Variants in KLF12 observed in about 807,000 individuals in gnomAD.
The protein encoded by KLF12 is Krueppel-like factor 12.
KLF12 carries 9 observed loss-of-function variants against 37.8 expected under a neutral mutation model. That is an observed-to-expected ratio of 0.24 (90% CI 0.14 to 0.42). The LOEUF (loss-of-function observed/expected upper bound fraction) is 0.42. Ranked by LOEUF, KLF12 falls within the 10% of genes least tolerant of loss-of-function variation. KLF12 has a pLI of 1.00. For missense variants in KLF12, 411 were observed against 516.0 expected, an observed-to-expected ratio of 0.80 and a Z score of 1.97; for synonymous variants, 208 against 202.1, an observed-to-expected ratio of 1.03 and a Z score of -0.25.
chr13:74,087,031 A>G (rs771146268), intron 1 of KLF12, among the ~76,000 whole-genome samples: 2 of 152,174 alleles, frequency 1.3e-5, no homozygotes, highest in Non-Finnish European at 2.9e-5. Flanking sequence ...ATATCCACAT[A>G]TAAGTGGACC....
At chr13:73,881,394 A>G (rs1050494525) in intron 3 of KLF12, among the ~76,000 whole-genome samples, 3 of 152,154 alleles carry the variant, frequency 2.0e-5, no homozygotes, top group African/African-American at 7.2e-5. Flanking sequence ...AGGAGCTAAA[A>G]ATTTTCAACT....
chr13:74,046,448 T>C (rs956344001), intron 1 of KLF12, among the ~76,000 whole-genome samples: 2 of 152,104 alleles, frequency 1.3e-5, no homozygotes, highest in African/African-American at 2.4e-5. Flanking sequence ...AAAATAAATA[T>C]TATAGGCTTT....
At chr13:74,035,347 T>C (rs1379340803) in intron 1 of KLF12, among the ~76,000 whole-genome samples, 2 of 152,192 alleles carry the variant, frequency 1.3e-5, no homozygotes, top group Admixed American at 1.3e-4. Flanking sequence ...GTTGGTGGAA[T>C]TTGTGGATGA....
intron 4 of KLF12, among the ~76,000 whole-genome samples, chr13:73,840,404 CCT>C (rs1017033820): frequency 6.6e-6 from 1 of 152,096 alleles, no homozygotes; most frequent in Non-Finnish European, 1.5e-5. Context: ...TCTCCTCTTT[CCT>C]CTGAGTTCCA....
At chr13:74,075,239 T>A (rs2138725210) in intron 1 of KLF12, among the ~76,000 whole-genome samples, 1 of 152,350 alleles carries the variant, frequency 6.6e-6, no homozygotes, top group South Asian at 2.1e-4. Context: ...AGTGATTTAG[T>A]CAGGGTCCTT....
chr13:73,881,821 C>T (rs548860450), intron 3 of KLF12, among the ~76,000 whole-genome samples: 1 of 152,240 alleles, frequency 6.6e-6, no homozygotes, highest in South Asian at 2.1e-4. Flanking sequence ...CTGGTCCTAG[C>T]ACAAGATCAT....
chr13:74,226,317 G>C, the KLF12 span, among the ~76,000 whole-genome samples: 1 of 152,134 alleles, frequency 6.6e-6, no homozygotes, highest in Non-Finnish European at 1.5e-5. Context: ...GGTTTGGCTA[G>C]ACAGTTCCAG....
chr13:73,916,208 T>TACACAC (rs67011700), intron 3 of KLF12, among the ~76,000 whole-genome samples: 2,274 of 109,648 alleles, frequency 0.021, 39 homozygotes, highest in Non-Finnish European at 0.032. Flanking sequence ...AGCTAATACT[T>TACACAC]ACACACACAC....
intron 1 of KLF12, among the ~76,000 whole-genome samples, chr13:74,031,471 T>G (rs745387574): frequency 1.6e-4 from 24 of 152,018 alleles, no homozygotes; most frequent in Non-Finnish European, 3.5e-4. Context: ...CATGTCTCTT[T>G]TATTTTATTT....
the KLF12 span, among the ~76,000 whole-genome samples, chr13:74,197,456 ACACT>A: frequency 0.47 from 70,455 of 151,396 alleles, 17,539 homozygotes; most frequent in East Asian, 0.72. Flanking sequence ...ACAAGCATAC[ACACT>A]CACTCACACA....
At chr13:73,906,439 C>T (rs1888302129) in intron 3 of KLF12, among the ~76,000 whole-genome samples, 1 of 152,160 alleles carries the variant, frequency 6.6e-6, no homozygotes, top group Non-Finnish European at 1.5e-5. Flanking sequence ...TTAGCTGTGA[C>T]TCACCTGCCT....
the KLF12 span, among the ~76,000 whole-genome samples, chr13:74,247,224 A>G: frequency 6.6e-6 from 1 of 152,262 alleles, no homozygotes; most frequent in Non-Finnish European, 1.5e-5. Flanking sequence ...CTTGATGATG[A>G]AGATGGGTTC....
At chr13:74,190,741 T>C in the KLF12 span, among the ~76,000 whole-genome samples, 1 of 152,212 alleles carries the variant, frequency 6.6e-6, no homozygotes, top group African/African-American at 2.4e-5. Flanking sequence ...TAAACTTTCA[T>C]AGAGACTTTA....
chr13:74,113,358 T>A lies in KLF12; in HGVS notation c.-32+20381A>T, dbSNP rs145757574. Reference sequence around the variant, plus strand: ...GACGCCATGGAGGACTTTCATATAGTTAGAGAGGAGAAGTCAATGACTGGC... The same window carrying A: ...GACGCCATGGAGGACTTTCATATAGATAGAGAGGAGAAGTCAATGACTGGC... On this transcript the variant is annotated intron_variant, in intron 1 of 7. Transcript: ENST00000377669. Among the ~76,000 whole-genome samples, 454 of 152,274 alleles carry A rather than the reference T, an allele frequency of 3.0e-3. 1 individual carries two copies. The highest frequency in any genetic ancestry group is 5.4e-3 in the Non-Finnish European group (370 of 68,010).
intron 6 of KLF12, among the ~76,000 whole-genome samples, chr13:73,723,620 A>G (rs1053815577): frequency 6.6e-6 from 1 of 152,164 alleles, no homozygotes; most frequent in African/African-American, 2.4e-5. Flanking sequence ...GCTTTATGAG[A>G]ACAGCACTTT....
At chr13:74,245,298 TATCTATCTATC>T in the KLF12 span, among the ~76,000 whole-genome samples, 2 of 50,220 alleles carry the variant, frequency 4.0e-5, no homozygotes, top group African/African-American at 1.7e-4. Flanking sequence ...TAAGTTTATC[TATCTATCTATC>T]TATCTATCTA....
intron 4 of KLF12, among the ~76,000 whole-genome samples, chr13:73,841,936 C>T (rs531123781): frequency 2.6e-5 from 4 of 152,222 alleles, no homozygotes; most frequent in South Asian, 4.2e-4. Context: ...CCTTCTAGGA[C>T]ATCATTCCAT....
the KLF12 span, among the ~76,000 whole-genome samples, chr13:74,203,423 A>G: frequency 6.6e-6 from 1 of 152,148 alleles, no homozygotes; most frequent in Non-Finnish European, 1.5e-5. Context: ...AATTAATTAC[A>G]TGAAGAGTAA....
At chr13:74,217,602 C>CCCCGG in the KLF12 span, among the ~76,000 whole-genome samples, 1 of 152,116 alleles carries the variant, frequency 6.6e-6, no homozygotes, top group Non-Finnish European at 1.5e-5. Context: ...TGGTGTGCAC[C>CCCCGG]TGTTATCCCA....
Sources: gnomAD v4.1 joint callset for allele counts (sites outside exome capture counted in the v4.1 genomes callset) on GRCh38, gnomAD v4.1.1 for gene constraint, MANE v1.5 for transcripts, NCBI Gene and HGNC (gene_info 2026-07-23, HGNC 2026-07-21) for gene names.